FAP: variants seen among roughly 807,000 people sequenced by gnomAD.
The protein encoded by FAP is prolyl endopeptidase FAP.
In FAP, 110 loss-of-function variants were observed where a neutral mutation model predicts 126.5. The ratio of observed to expected loss-of-function variants is 0.87; its 90% CI spans 0.74 to 1.02. FAP has a LOEUF of 1.02. FAP is among the 50% of genes least tolerant of loss of function. FAP has a pLI of 0.00. For missense variants in FAP, 919 were observed against 909.2 expected, an observed-to-expected ratio of 1.01 and a Z score of -0.14; for synonymous variants, 334 against 297.3, an observed-to-expected ratio of 1.12 and a Z score of -1.27.
At chr2:162,174,706 T>G (rs1687425888) in intron 22 of FAP, among the ~76,000 whole-genome samples, 161 bp downstream of exon 22, 1 of 152,188 alleles carries the variant, frequency 6.6e-6, no homozygotes, top group Non-Finnish European at 1.5e-5. Flanking sequence ...TGTTACAACA[T>G]GTTTATAATA....
chr2:162,230,275 C>T (rs1052098377), intron 2 of FAP, among the ~76,000 whole-genome samples: 11 of 152,116 alleles, frequency 7.2e-5, no homozygotes, highest in African/African-American at 2.7e-4. Context: ...AAGAATAAAA[C>T]ATAAAGATTA....
chr2:162,191,656 G>A (rs890361352), intron 17 of FAP, among the ~76,000 whole-genome samples: 5 of 152,044 alleles, frequency 3.3e-5, no homozygotes, highest in East Asian at 1.9e-4. Context: ...TGTTTGAATC[G>A]TTTTAAAATC....
At chr2:162,237,044 A>C (rs930848906) in intron 2 of FAP, among the ~76,000 whole-genome samples, 3 of 152,222 alleles carry the variant, frequency 2.0e-5, no homozygotes, top group African/African-American at 7.2e-5. Context: ...AATGGGAATA[A>C]ATATTAATAA....
chr2:162,177,085 C>A (rs754757863), intron 21 of FAP, among the ~76,000 whole-genome samples: 9 of 152,064 alleles, frequency 5.9e-5, no homozygotes, highest in Non-Finnish European at 1.2e-4. Flanking sequence ...TTCCTGCCCC[C>A]CCTCCATGAG....
At chr2:162,235,071 C>T (rs1690059877) in intron 2 of FAP, among the ~76,000 whole-genome samples, 1 of 152,094 alleles carries the variant, frequency 6.6e-6, no homozygotes, top group Non-Finnish European at 1.5e-5. Context: ...CTTTAGCTGC[C>T]TCCCTGCGGG....
At position 162,188,165 on chromosome 2, in the gene FAP, TC is replaced by T. The variant is rs1559765783; in HGVS notation, c.1814+3del. The T allele has an allele frequency of 6.2e-7, 1 of 1,610,736 alleles. No individual in the cohort carries two copies. The highest frequency in any genetic ancestry group is 8.5e-7 in the Non-Finnish European group (1 of 1,177,538). On this transcript the variant is annotated splice_donor_region_variant and intron_variant, in intron 20 of 25. Coordinates refer to ENST00000188790, the MANE Select transcript of FAP (RefSeq NM_004460.5). ...GACATCTGCTTGAATGAGAAGGTGC[TC>T]ACCTGACAGCTGTAATCTGGTCTTC... is the stretch of plus-strand genomic sequence containing the variant.
At chr2:162,218,220 T>C in intron 8 of FAP, 80 bp from the exon 9 acceptor site, 1 of 924,340 alleles carries the variant, frequency 1.1e-6, no homozygotes, top group Non-Finnish European at 1.6e-6. Flanking sequence ...AATAGCTATT[T>C]ATCAACTGAA....
In FAP at chr2:162,216,095, C is replaced by G. The variant is rs183886443; in HGVS notation, c.763-94G>C. On this transcript the variant is annotated intron_variant, in intron 9 of 25. Coordinates refer to ENST00000188790, the MANE Select transcript of FAP (RefSeq NM_004460.5). ...AGGAATTTAGATATATTTTTCTAAGCGAACAATCTTATGTATATCACTGTG... is the reference window on the plus strand; with the variant it reads ...AGGAATTTAGATATATTTTTCTAAGGGAACAATCTTATGTATATCACTGTG... 6 of 873,518 alleles carry G rather than the reference C, an allele frequency of 6.9e-6. No individual in the cohort carries two copies. The South Asian group carries it at 9.5e-5, about 14-fold the overall frequency. The allele number at this position is 873,518 out of a possible 1,614,324, so 54.1% of individuals were successfully genotyped here.
At chr2:162,215,622 G>C (rs1042002923) in intron 10 of FAP, among the ~76,000 whole-genome samples, 1 of 152,164 alleles carries the variant, frequency 6.6e-6, no homozygotes, top group Non-Finnish European at 1.5e-5. Flanking sequence ...GGGTGAGGAC[G>C]TACATGAATT....
intron 12 of FAP, among the ~76,000 whole-genome samples, chr2:162,207,935 T>C (rs1256743776): frequency 4.8e-5 from 7 of 146,726 alleles, no homozygotes; most frequent in Non-Finnish European, 7.5e-5. Context: ...GGTCTCGATC[T>C]CCTGACACTG....
At chr2:162,213,400 C>A (rs1576175026) in intron 11 of FAP, among the ~76,000 whole-genome samples, 2 of 146,978 alleles carry the variant, frequency 1.4e-5, no homozygotes, top group Non-Finnish European at 3.0e-5. Flanking sequence ...AACAAAAAAA[C>A]AAACAAAAAA....
chr2:162,178,767 C>A (rs965542132), intron 21 of FAP, among the ~76,000 whole-genome samples: 2 of 152,100 alleles, frequency 1.3e-5, no homozygotes, highest in Non-Finnish European at 2.9e-5. Flanking sequence ...TTGTTGGGTG[C>A]GATGTATTTC....
chr2:162,203,171 T>C (rs747438885), intron 12 of FAP, 26 bp from the exon 13 acceptor site: 2 of 1,491,064 alleles, frequency 1.3e-6, no homozygotes, highest in Admixed American at 3.5e-5. Context: ...AGAGGTTATG[T>C]TCAAAAGACA....
rs775743263 is a variant in FAP at position 162,198,816 on chromosome 2, C to T, written c.1343G>A (p.Cys448Tyr). Residue 448 changes from cysteine to tyrosine, a missense_variant, in exon 16 of 26, where the codon TGC becomes TAC. Cys to Tyr is a radical substitution (Grantham distance 194, BLOSUM62 -2). Transcript: ENST00000188790. The stretch of plus-strand genomic sequence containing the variant: ...GCTGAAACTTGCTGTGTAATATTGG[C>T]ACCTTTCTTTCCTTAGATGGCAAGT... ...CVTCHLRKER[C>Y]QYYTASFSDY... is the part of the protein sequence containing the mutation. 1.2e-6 allele frequency: 2 copies of T among 1,613,976 alleles called. No homozygotes were observed. Among genetic ancestry groups the T allele is most frequent in the Non-Finnish European group, 1.7e-6 (2 of 1,179,882 alleles).
intron 15 of FAP, among the ~76,000 whole-genome samples, chr2:162,199,898 G>A (rs1688427332): frequency 6.6e-6 from 1 of 152,212 alleles, no homozygotes. Flanking sequence ...GGAAACATTA[G>A]GGAGGCAGTT....
intron 22 of FAP, among the ~76,000 whole-genome samples, chr2:162,174,412 G>C (rs1427864400): frequency 2.0e-5 from 3 of 152,082 alleles, no homozygotes; most frequent in Non-Finnish European, 4.4e-5. Flanking sequence ...ATAAAAATAG[G>C]CACAAACAGG....
chr2:162,175,109 C>A, intron 21 of FAP, 143 bp from the exon 22 acceptor site: 1 of 574,110 alleles, frequency 1.7e-6, no homozygotes, highest in South Asian at 2.1e-5. Context: ...ATCTTGCATC[C>A]TCGGCAGCAA....
At chr2:162,188,674 TA>T (rs934957856) in intron 19 of FAP, among the ~76,000 whole-genome samples, 1 of 151,950 alleles carries the variant, frequency 6.6e-6, no homozygotes, top group Non-Finnish European at 1.5e-5. Context: ...TAAGATATAC[TA>T]AAAAAAATGC....
intron 15 of FAP, among the ~76,000 whole-genome samples, chr2:162,199,087 C>A (rs979755255): frequency 1.3e-5 from 2 of 152,106 alleles, no homozygotes; most frequent in African/African-American, 2.4e-5. Context: ...AGGCACAAAC[C>A]TTGAGGAAGA....
Sources: gnomAD v4.1 joint callset for allele counts (sites outside exome capture counted in the v4.1 genomes callset) on GRCh38, gnomAD v4.1.1 for gene constraint, MANE v1.5 for transcripts, NCBI Gene and HGNC (gene_info 2026-07-23, HGNC 2026-07-21) for gene names.